The following NOP14 variants were observed in gnomAD, a reference collection of about 807,000 sequenced individuals.
NOP14 encodes NOP14 nucleolar protein, also known as nucleolar protein 14.
NOP14 carries 57 observed loss-of-function variants against 101.6 expected under a neutral mutation model. That is an observed-to-expected ratio of 0.56 (90% confidence interval 0.45 to 0.70). NOP14 has a LOEUF of 0.70. Ranked by LOEUF, NOP14 falls within the 30% of genes least tolerant of loss-of-function variation. The pLI, the probability that NOP14 is intolerant of heterozygous loss-of-function variation, is 0.00. For synonymous variants in NOP14, 428 were observed against 424.0 expected, an observed-to-expected ratio of 1.01 and a Z score of -0.12; for missense variants, 1,134 against 1,075.5, an observed-to-expected ratio of 1.05 and a Z score of -0.76.
intron 13 of NOP14, 152 bp downstream of exon 13, chr4:2,943,921 C>G: frequency 1.5e-6 from 1 of 651,436 alleles, no homozygotes; most frequent in Non-Finnish European, 2.6e-6. Flanking sequence ...CGCGTGCACA[C>G]GCTCACACAG....
chr4:2,952,232 C>G (rs370960979), intron 6 of NOP14, 43 bp downstream of exon 6: 5 of 1,600,500 alleles, frequency 3.1e-6, no homozygotes, highest in Non-Finnish European at 4.3e-6. Context: ...GGGCTGTGGA[C>G]GGACAGCAGC....
chr4:2,953,776 G>A (rs1715174115), intron 4 of NOP14, 131 bp from the exon 5 acceptor site: 1 of 980,662 alleles, frequency 1.0e-6, no homozygotes, highest in Admixed American at 2.4e-5. Context: ...ACAGAAAAGA[G>A]GCCAGGAGAA....
rs1713862864 is a variant in NOP14 at position 2,938,607 on chromosome 4, G to A, written c.*224C>T. The A allele has an allele frequency of 8.3e-5, 45 of 545,178 alleles. 1 individual carries two copies. In the South Asian group the frequency reaches 9.5e-4, roughly 11 times the overall value. The allele number at this position is 545,178 out of a possible 1,614,324, so 33.8% of individuals were successfully genotyped here. A position where few individuals can be genotyped will look rare whatever the true frequency, so the allele number is the denominator to read the frequency against. ...CACTGTAACCTTGGACTCAGCTCAA[G>A]CAGTCCTCCTGCTTCAGCCTCCCGA... On this transcript the variant is annotated 3_prime_UTR_variant, in exon 18 of 18. Transcript: ENST00000416614.
At chr4:2,939,371 A>C in intron 16 of NOP14, 28 bp from the exon 17 acceptor site, 1 of 1,613,826 alleles carries the variant, frequency 6.2e-7, no homozygotes, top group South Asian at 1.1e-5. Flanking sequence ...CTGTTAAGGA[A>C]GCAAGAGTCT....
intron 12 of NOP14, among the ~76,000 whole-genome samples, chr4:2,944,634 C>T (rs1341783631): frequency 4.6e-5 from 7 of 152,034 alleles, no homozygotes; most frequent in African/African-American, 9.7e-5. Flanking sequence ...CTTGAACTCC[C>T]GACCTCAGGT....
chr4:2,954,852 G>A (rs778330882), intron 3 of NOP14, among the ~76,000 whole-genome samples: 3 of 151,984 alleles, frequency 2.0e-5, no homozygotes, highest in East Asian at 3.9e-4. Context: ...TGGTTCTAGC[G>A]AAGACTGGCA....
At chr4:2,940,121 G>C (rs1714043204) in intron 15 of NOP14, among the ~76,000 whole-genome samples, 1 of 152,262 alleles carries the variant, frequency 6.6e-6, no homozygotes, top group Non-Finnish European at 1.5e-5. Context: ...CTGGGTGCTA[G>C]GCGGGGCAGG....
intron 12 of NOP14, 26 bp downstream of exon 12, chr4:2,945,102 C>G (rs1714521218): frequency 6.6e-7 from 1 of 1,519,370 alleles, no homozygotes; most frequent in African/African-American, 1.4e-5. Context: ...GCAGGCCGAC[C>G]CCTGCCGCAT....
chr4:2,943,046 C>T (rs994819319), intron 13 of NOP14, among the ~76,000 whole-genome samples: 21 of 152,228 alleles, frequency 1.4e-4, no homozygotes, highest in South Asian at 2.1e-4. Context: ...CAGCCTGTTC[C>T]GTCACAGCCC....
At chr4:2,945,344 C>T (rs772142214) in intron 11 of NOP14, 115 bp from the exon 12 acceptor site, 27 of 781,052 alleles carry the variant, frequency 3.5e-5, no homozygotes, top group Non-Finnish European at 5.1e-5. Context: ...GGTGCATCTC[C>T]TTGGCCCAGA....
intron 3 of NOP14, among the ~76,000 whole-genome samples, chr4:2,956,354 G>A (rs1202816898): frequency 3.3e-5 from 5 of 152,098 alleles, no homozygotes; most frequent in African/African-American, 4.8e-5. Context: ...CTCTGGCATC[G>A]GGCAAAACAC....
chr4:2,944,252 C>T (rs746438092), intron 12 of NOP14, 26 bp from the exon 13 acceptor site: 2 of 1,605,308 alleles, frequency 1.2e-6, no homozygotes, highest in African/African-American at 1.3e-5. Flanking sequence ...TGGGGGGTTA[C>T]TGTCCTGGGA....
chr4:2,953,693 T>C, intron 4 of NOP14, 48 bp from the exon 5 acceptor site: 1 of 1,605,852 alleles, frequency 6.2e-7, no homozygotes, highest in Non-Finnish European at 8.5e-7. Context: ...ACTACTGGAC[T>C]TCAACCCAGA....
intron 1 of NOP14, among the ~76,000 whole-genome samples, chr4:2,959,222 T>A (rs971053228): frequency 2.6e-5 from 4 of 152,254 alleles, no homozygotes; most frequent in African/African-American, 9.6e-5. Flanking sequence ...TTGTTTCAAC[T>A]GACACACGCT....
chr4:2,939,485 C>T (rs1337300317), intron 16 of NOP14, 42 bp downstream of exon 16: 1 of 1,599,288 alleles, frequency 6.3e-7, no homozygotes, highest in East Asian at 2.2e-5. Context: ...TCCCACTGAG[C>T]CCACAGCCCT....
rs779092953 is a variant in NOP14 at position 2,946,402 on chromosome 4, C to T, written c.1635+10G>A. 6.2e-6 allele frequency: 10 copies of T among 1,613,916 alleles called. No homozygotes were observed. Among genetic ancestry groups the T allele is most frequent in the Non-Finnish European group, 8.5e-6 (10 of 1,179,950 alleles). On this transcript the variant is annotated intron_variant, in intron 11 of 17. Transcript: ENST00000416614. ...TGGCAGGGGCAGTGCCTAGACTGAACTCTGCTTACCACATCCAACCCTGGC... is the reference window on the plus strand; with the variant it reads ...TGGCAGGGGCAGTGCCTAGACTGAATTCTGCTTACCACATCCAACCCTGGC...
At chr4:2,953,752 C>A in intron 4 of NOP14, 107 bp from the exon 5 acceptor site, 1 of 1,277,216 alleles carries the variant, frequency 7.8e-7, no homozygotes, top group Non-Finnish European at 1.1e-6. Flanking sequence ...TCAGTTGGCA[C>A]CAAACGTTTC....
intron 4 of NOP14, among the ~76,000 whole-genome samples, chr4:2,953,850 C>T (rs562349817): frequency 3.3e-5 from 5 of 152,282 alleles, no homozygotes; most frequent in African/African-American, 1.2e-4. Context: ...TGCCATAAAC[C>T]ATTAATTTAG....
intron 12 of NOP14, among the ~76,000 whole-genome samples, chr4:2,944,566 C>G (rs1714468401): frequency 6.6e-6 from 1 of 152,128 alleles, no homozygotes; most frequent in African/African-American, 2.4e-5. Flanking sequence ...GGCACCACAC[C>G]CAGCTAATTT....
Sources: gnomAD v4.1 joint callset for allele counts (sites outside exome capture counted in the v4.1 genomes callset) on GRCh38, gnomAD v4.1.1 for gene constraint, MANE v1.5 for transcripts, NCBI Gene and HGNC (gene_info 2026-07-23, HGNC 2026-07-21) for gene names.